TET1: variants seen among roughly 807,000 people sequenced by gnomAD.
TET1 encodes methylcytosine dioxygenase TET1.
TET1 carries 13 observed loss-of-function variants against 148.7 expected under a neutral mutation model. That is an observed-to-expected ratio of 0.09 (90% CI 0.06 to 0.14). The LOEUF (loss-of-function observed/expected upper bound fraction) is 0.14, where lower values mean the gene tolerates loss of function less well. TET1 is among the 10% of genes least tolerant of loss of function. The pLI is 1.00. For synonymous variants in TET1, 907 were observed against 937.2 expected (o/e 0.97, Z 0.59); for missense variants, 2,182 against 2,553.8 (o/e 0.85, Z 3.14).
rs1272961981 is a variant in TET1, at chr10:68,652,020, C to G, written c.4367+84C>G. 3.2e-6 allele frequency: 4 copies of G among 1,264,808 alleles called. No homozygotes were observed. The African/African-American group carries it at 4.5e-5, about 14-fold the overall frequency. 78.3% of individuals were successfully genotyped at this position (1,264,808 alleles called of 1,614,324 possible). A position where few individuals can be genotyped will look rare whatever the true frequency, so the allele number is the denominator to read the frequency against. On this transcript the variant is annotated intron_variant, in intron 5 of 11. Coordinates refer to ENST00000373644, the MANE Select transcript of TET1 (RefSeq NM_030625.3). ...ATAAATCATCTCTAAGAACAAACGCCGTGATTGAAAAATGATCAGGAGTAT... is the reference window on the plus strand; with the variant it reads ...ATAAATCATCTCTAAGAACAAACGCGGTGATTGAAAAATGATCAGGAGTAT...
chr10:68,592,986 A>T (rs1041741689), intron 2 of TET1, among the ~76,000 whole-genome samples: 2 of 152,128 alleles, frequency 1.3e-5, no homozygotes, highest in African/African-American at 4.8e-5. Flanking sequence ...CTGTAATCCC[A>T]GCACTTTCAG....
intron 6 of TET1, among the ~76,000 whole-genome samples, chr10:68,662,145 G>GATT (rs10673421): frequency 0.94 from 142,458 of 151,900 alleles, 66,840 homozygotes; most frequent in East Asian, 0.98. Flanking sequence ...AAATTGCTGG[G>GATT]ACAGGCTTGA....
At chr10:68,686,861 A>G (rs1054034447) in intron 11 of TET1, among the ~76,000 whole-genome samples, 154 bp downstream of exon 11, 3 of 151,830 alleles carry the variant, frequency 2.0e-5, no homozygotes, top group African/African-American at 4.8e-5. Context: ...GTGACCCATC[A>G]GTATTTCTTG....
In TET1 at chr10:68,686,578, G is replaced by C. The variant is rs757304626; in HGVS notation, c.5275G>C (p.Ala1759Pro). The C allele has an allele frequency of 2.5e-6, 4 of 1,614,030 alleles. No individual in the cohort carries two copies. The change falls in exon 11 of 12, where the codon GCT becomes CCT. Residue 1759 changes from alanine (A) to proline (P), a missense_variant. Ala to Pro is a conservative substitution (Grantham distance 27). Transcript: ENST00000373644. ...QPVPRSGKKR[A>P]AMMTEVLAHK... ...TGTTCCCCGTTCTGGAAAGAAGAGG[G>C]CTGCGATGATGACAGAGGTTCTTGC...
intron 2 of TET1, among the ~76,000 whole-genome samples, chr10:68,584,215 T>TA (rs57524403): frequency 6.6e-6 from 1 of 150,858 alleles, no homozygotes; most frequent in Non-Finnish European, 1.5e-5. Flanking sequence ...AATTTTTTTT[T>TA]ATTTTTATTA....
chr10:68,611,800 A>G (rs2132926586), intron 3 of TET1, among the ~76,000 whole-genome samples: 1 of 128,230 alleles, frequency 7.8e-6, no homozygotes, highest in East Asian at 2.5e-4. Context: ...CCTGGATTCA[A>G]GTGATTCTCC....
At chr10:68,587,328 A>G (rs1277970415) in intron 2 of TET1, among the ~76,000 whole-genome samples, 2 of 152,228 alleles carry the variant, frequency 1.3e-5, no homozygotes, top group African/African-American at 2.4e-5. Context: ...GATCCAAGCC[A>G]TGGAATTTTG....
chr10:68,602,524 C>T (rs1011143188), intron 3 of TET1, among the ~76,000 whole-genome samples: 5 of 152,202 alleles, frequency 3.3e-5, no homozygotes, highest in African/African-American at 1.2e-4. Flanking sequence ...GTATCTATGT[C>T]TTCCCCTGCC....
intron 2 of TET1, among the ~76,000 whole-genome samples, chr10:68,578,197 A>G (rs1358319980): frequency 6.6e-6 from 1 of 152,206 alleles, no homozygotes; most frequent in Non-Finnish European, 1.5e-5. Context: ...CAAGACTTTG[A>G]GATAAATAAA....
Position 68,651,887 on chromosome 10 carries a change from C to A in TET1, c.4318C>A (p.Leu1440Ile). The A allele has an allele frequency of 1.9e-6, 3 of 1,613,894 alleles. No individual in the cohort carries two copies. Among genetic ancestry groups the A allele is most frequent in the Non-Finnish European group, 2.5e-6 (3 of 1,179,938 alleles). ...QKDKGPYYTH[L>I]GAGPSVAAVR... is the part of the protein sequence containing the mutation. ...AGACAAAGGCCCATATTATACACAC[C>A]TTGGGGCAGGACCAAGTGTTGCTGC... The change falls in exon 5 of 12, where the codon CTT becomes ATT. Residue 1440 changes from leucine to isoleucine, a missense_variant. Leu to Ile is a conservative substitution (Grantham distance 5, BLOSUM62 2). Coordinates refer to ENST00000373644, the MANE Select transcript of TET1 (RefSeq NM_030625.3).
chr10:68,664,665 C>G (rs1463144387), intron 6 of TET1, among the ~76,000 whole-genome samples: 4 of 123,412 alleles, frequency 3.2e-5, no homozygotes, highest in African/African-American at 1.3e-4. Context: ...GTGCGCCCAG[C>G]CTGCATTTTT....
chr10:68,562,770 A>G (rs546409412), intron 1 of TET1, among the ~76,000 whole-genome samples: 1 of 151,712 alleles, frequency 6.6e-6, no homozygotes, highest in African/African-American at 2.4e-5. Context: ...TCCTTCTCCC[A>G]TCTGATTTGT....
Position 68,574,066 on chromosome 10 carries a change from T to C in TET1, c.1728T>C (p.Tyr576=), listed in dbSNP as rs1158149236. The C allele has an allele frequency of 1.2e-6, 2 of 1,614,038 alleles. No homozygotes were observed. Among genetic ancestry groups the C allele is most frequent in the Admixed American group, 1.7e-5 (1 of 59,984 alleles). Residue 576 remains tyrosine, a synonymous_variant, in exon 2 of 12, where the codon TAT becomes TAC. Transcript: ENST00000373644. ...TGGTCAGTACCTCCTCTTCTTCCTA[T>C]ACCACTTTGCTACCGACTTTGGAAA... The part of the protein sequence containing the change: ...VPMVSTSSSS[Y]TTLLPTLEKK...
intron 6 of TET1, among the ~76,000 whole-genome samples, chr10:68,657,772 A>G (rs2055047051): frequency 6.7e-6 from 1 of 150,052 alleles, no homozygotes; most frequent in Non-Finnish European, 1.5e-5. Flanking sequence ...TGTCCACCCC[A>G]CGCTTAAACT....
chr10:68,619,715 T>C (rs1277607161), intron 3 of TET1, among the ~76,000 whole-genome samples: 1 of 152,186 alleles, frequency 6.6e-6, no homozygotes, highest in African/African-American at 2.4e-5. Flanking sequence ...TCAGCAAATT[T>C]GCAGTGCACA....
At chr10:68,666,649 C>T (rs746281330) in intron 6 of TET1, among the ~76,000 whole-genome samples, 2 of 152,178 alleles carry the variant, frequency 1.3e-5, no homozygotes, top group Non-Finnish European at 2.9e-5. Context: ...ATAATAACCA[C>T]GTGTCACAGA....
At chr10:68,660,951 A>C (rs1589119844) in intron 6 of TET1, among the ~76,000 whole-genome samples, 1 of 152,012 alleles carries the variant, frequency 6.6e-6, no homozygotes, top group Non-Finnish European at 1.5e-5. Flanking sequence ...TGCGTGTGCC[A>C]CCGCGCTAGC....
intron 3 of TET1, among the ~76,000 whole-genome samples, chr10:68,610,618 A>C (rs2054194509): frequency 6.6e-6 from 1 of 152,030 alleles, no homozygotes; most frequent in Non-Finnish European, 1.5e-5. Context: ...AAAATAAAAA[A>C]TATGTTAAAT....
rs573673391 is a variant in TET1 at position 68,652,417 on chromosome 10, A to G, written c.4368-84A>G. 5.1e-5 allele frequency: 44 copies of G among 863,870 alleles called. No individual in the cohort carries two copies. In the African/African-American group the frequency reaches 6.6e-4, roughly 13 times the overall value. The allele number at this position is 863,870 out of a possible 1,614,324, so 53.5% of individuals were successfully genotyped here. On this transcript the variant is annotated intron_variant, in intron 5 of 11. Transcript: ENST00000373644. ...GAACTTCTGTACATCTATATCTTAT[A>G]TACATTAAGATGTTCAAAGCCAAAG...
Sources: gnomAD v4.1 joint callset for allele counts (sites outside exome capture counted in the v4.1 genomes callset) on GRCh38, gnomAD v4.1.1 for gene constraint, MANE v1.5 for transcripts, NCBI Gene and HGNC (gene_info 2026-07-23, HGNC 2026-07-21) for gene names.